DMD: variants seen among roughly 807,000 people sequenced by gnomAD.
DMD encodes the protein mutant dystrophin.
A neutral mutation model predicts 330.1 loss-of-function variants in DMD; 63 were observed. The observed-to-expected ratio is 0.19, with a 90% CI of 0.16 to 0.24. The LOEUF (loss-of-function observed/expected upper bound fraction) is 0.24. DMD is among the 10% of genes least tolerant of loss of function. The probability of loss-of-function intolerance (pLI) is 1.00; values close to 1 mark genes in which losing one functional copy is unlikely to be tolerated. For missense variants in DMD, 3,344 were observed against 2,684.1 expected (o/e 1.25, Z -5.43); for synonymous variants, 1,223 against 959.8 (o/e 1.27, Z -5.07).
At chrX:31,313,351 A>G (rs1238777323) in intron 62 of DMD, among the ~76,000 whole-genome samples, 1 of 110,130 alleles carries the variant, frequency 9.1e-6, no homozygotes, top group African/African-American at 3.3e-5. Context: ...AATCCACCTA[A>G]CAGTGCAGGG....
chrX:32,082,424 CTATCTATCTATCT>C (rs920054009), intron 44 of DMD, among the ~76,000 whole-genome samples: 2 of 108,376 alleles, frequency 1.8e-5, no homozygotes, highest in Non-Finnish European at 3.9e-5. Context: ...ATCTATCTAT[CTATCTATCTATCT>C]ATTTTGTAGA....
At chrX:32,904,867 C>G (rs1028171325) in intron 2 of DMD, among the ~76,000 whole-genome samples, 1 of 112,420 alleles carries the variant, frequency 8.9e-6, no homozygotes, top group Admixed American at 9.4e-5. Flanking sequence ...TGAGCCACTG[C>G]ACTCAGCCCA....
intron 71 of DMD, among the ~76,000 whole-genome samples, chrX:31,177,433 T>G (rs951687501): frequency 2.7e-5 from 3 of 111,426 alleles, no homozygotes; most frequent in African/African-American, 9.7e-5. Flanking sequence ...CACACCTCAT[T>G]AAAATTATTC....
intron 43 of DMD, among the ~76,000 whole-genome samples, chrX:32,273,447 A>G (rs146887851): frequency 0.013 from 1,476 of 110,813 alleles, 14 homozygotes; most frequent in Non-Finnish European, 0.02. Context: ...AAAGAAAAAT[A>G]ACGCTCTTTT....
rs1360035539 is a variant in DMD, at chrX:32,267,074, T to C, written c.6290+20455A>G. On this transcript the variant is annotated intron_variant, in intron 43 of 78. Transcript: ENST00000357033. ...TTCCACCATTCCTAATGCCCCAGAT[T>C]TGCCACTGTTGTTTCCTTATTAAGA... Among the ~76,000 whole-genome samples, 4 of 112,320 alleles carry C rather than the reference T, an allele frequency of 3.6e-5. No homozygotes were observed. In the Admixed American group the frequency reaches 3.8e-4, roughly 11 times the overall value.
intron 9 of DMD, among the ~76,000 whole-genome samples, chrX:32,647,920 T>C (rs2059888516): frequency 8.9e-6 from 1 of 112,064 alleles, no homozygotes; most frequent in Non-Finnish European, 1.9e-5. Context: ...TATTTAACTC[T>C]TTTTGAAATC....
At chrX:31,366,489 A>T (rs1436161282) in intron 60 of DMD, among the ~76,000 whole-genome samples, 1 of 100,792 alleles carries the variant, frequency 9.9e-6, no homozygotes, top group African/African-American at 3.7e-5. Flanking sequence ...AAAAAAAAAA[A>T]AAAAAAACAT....
chrX:32,673,779 C>T (rs1391683087), intron 9 of DMD, among the ~76,000 whole-genome samples: 1 of 112,048 alleles, frequency 8.9e-6, no homozygotes, highest in Admixed American at 9.5e-5. Flanking sequence ...CAAATTTTCT[C>T]AGTCAGGGGA....
chrX:32,188,203 C>T (rs1372523066), intron 44 of DMD, among the ~76,000 whole-genome samples: 4 of 109,283 alleles, frequency 3.7e-5, no homozygotes, highest in African/African-American at 9.9e-5. Flanking sequence ...TTATTATTAA[C>T]CTCCATTAGT....
At chrX:32,434,511 G>A (rs1236654269) in intron 29 of DMD, among the ~76,000 whole-genome samples, 1 of 112,147 alleles carries the variant, frequency 8.9e-6, no homozygotes, top group Non-Finnish European at 1.9e-5. Flanking sequence ...AACAAATTCA[G>A]AATTCTTGAT....
intron 52 of DMD, among the ~76,000 whole-genome samples, chrX:31,709,183 A>G (rs531636494): frequency 9.0e-6 from 1 of 111,527 alleles, no homozygotes; most frequent in South Asian, 3.8e-4. Context: ...GAGGCAGGAG[A>G]ATCACTCGAA....
chrX:32,291,628 C>T (rs1431779631), intron 42 of DMD, among the ~76,000 whole-genome samples: 2 of 111,591 alleles, frequency 1.8e-5, no homozygotes, highest in Admixed American at 9.5e-5. Flanking sequence ...CCTGGGCATC[C>T]ACATGATTTG....
At chrX:32,269,284 A>C (rs114984718) in intron 43 of DMD, among the ~76,000 whole-genome samples, 2,184 of 111,367 alleles carry the variant, frequency 0.02, 19 homozygotes, top group African/African-American at 0.039. Flanking sequence ...CAAGGGAAGA[A>C]TTGGGGAGAA....
intron 44 of DMD, among the ~76,000 whole-genome samples, chrX:32,066,983 G>T (rs1415285514): frequency 9.0e-6 from 1 of 111,603 alleles, no homozygotes; most frequent in Non-Finnish European, 1.9e-5. Flanking sequence ...TTAATATTTA[G>T]TAATACAGTT....
intron 44 of DMD, among the ~76,000 whole-genome samples, chrX:32,049,419 G>A (rs999408827): frequency 1.3e-4 from 15 of 111,595 alleles, no homozygotes; most frequent in African/African-American, 4.6e-4. Context: ...GTAGGAATAA[G>A]TGCTAGTGCA....
At chrX:32,883,560 C>G (rs2084170844) in intron 2 of DMD, among the ~76,000 whole-genome samples, 1 of 110,477 alleles carries the variant, frequency 9.1e-6, no homozygotes, top group Non-Finnish European at 1.9e-5. Context: ...CGCGGTGGCT[C>G]ACGCCTGTAA....
intron 43 of DMD, among the ~76,000 whole-genome samples, chrX:32,226,624 A>G (rs1286917395): frequency 9.0e-6 from 1 of 111,302 alleles, no homozygotes. Flanking sequence ...GAGTAATTTC[A>G]CAAACCCCTT....
intron 11 of DMD, among the ~76,000 whole-genome samples, chrX:32,615,184 C>T (rs138933369): frequency 3.0e-3 from 334 of 111,374 alleles, no homozygotes; most frequent in African/African-American, 0.01. Flanking sequence ...CAGATCATGA[C>T]GCAATTATAA....
At position 33,074,074 on chromosome X, in the gene DMD, A is replaced by C. The variant is rs183517722; in HGVS notation, c.32-53874T>G. 2.5e-3 allele frequency among the ~76,000 whole-genome samples: 276 copies of C among 111,146 alleles called. 1 individual carries two copies. The highest frequency in any genetic ancestry group is 8.9e-3 in the African/African-American group (272 of 30,583). ...CAACCTATCTCAATAGGTAGACAAG[A>C]TTGAAAAACTAACTTAGGAGTATGG... On this transcript the variant is annotated intron_variant, in intron 1 of 78. Transcript: ENST00000357033.
Sources: allele counts gnomAD v4.1 joint callset (sites outside exome capture counted in the v4.1 genomes callset), GRCh38; gene constraint gnomAD v4.1.1; transcripts MANE v1.5; gene names NCBI Gene and HGNC (gene_info 2026-07-23, HGNC 2026-07-21).